The following DLGAP2 variants were observed in gnomAD, a reference collection of about 807,000 sequenced individuals.
DLGAP2 encodes the protein DLG associated protein 2.
Under a neutral mutation model 100.3 loss-of-function variants are expected in DLGAP2, and 26 were observed. That is an observed-to-expected ratio of 0.26 (90% CI 0.19 to 0.36). DLGAP2 has a LOEUF of 0.36. DLGAP2 is among the 10% of genes least tolerant of loss of function. The probability of loss-of-function intolerance (pLI) is 1.00; values close to 1 mark genes in which losing one functional copy is unlikely to be tolerated. For missense variants in DLGAP2, 1,858 were observed against 1,453.2 expected (o/e 1.28, Z -4.53); for synonymous variants, 886 against 630.1 (o/e 1.41, Z -6.08).
chr8:750,162 C>A (rs1323419804), intron 1 of DLGAP2, among the ~76,000 whole-genome samples: 1 of 152,224 alleles, frequency 6.6e-6, no homozygotes, highest in African/African-American at 2.4e-5. Flanking sequence ...GTTAGGCCGG[C>A]TGCATGGGCG....
intron 3 of DLGAP2, chr8:1,378,131 G>A (rs967214888): frequency 3.1e-5 from 5 of 160,354 alleles, no homozygotes; most frequent in South Asian, 1.5e-4. Flanking sequence ...TCCCTTGCAC[G>A]TATGCCGTAT....
chr8:1,180,593 G>C (rs1170400420), intron 2 of DLGAP2, among the ~76,000 whole-genome samples: 5 of 114,292 alleles, frequency 4.4e-5, no homozygotes, highest in Non-Finnish European at 1.0e-4. Context: ...GCACACTGTC[G>C]AGTGTGTGTG....
intron 3 of DLGAP2, among the ~76,000 whole-genome samples, chr8:1,340,102 G>A (rs4876170): frequency 0.44 from 66,650 of 152,062 alleles, 17,729 homozygotes; most frequent in African/African-American, 0.75. Context: ...AAGATGCATT[G>A]AAGACTTTAA....
intron 3 of DLGAP2, among the ~76,000 whole-genome samples, chr8:1,288,483 AGTGTGT>A (rs1165190944): frequency 0.016 from 1,659 of 102,872 alleles, 37 homozygotes; most frequent in African/African-American, 0.056. Flanking sequence ...GTTTCAGTTC[AGTGTGT>A]GTGTGTGTGT....
intron 7 of DLGAP2, 79 bp downstream of exon 7, chr8:1,626,966 G>T: frequency 6.7e-7 from 1 of 1,499,854 alleles, no homozygotes; most frequent in Non-Finnish European, 8.9e-7. Context: ...CCGCATAGGT[G>T]GCGATGGCGC....
At chr8:961,591 C>T (rs1799727089) in intron 2 of DLGAP2, among the ~76,000 whole-genome samples, 1 of 152,158 alleles carries the variant, frequency 6.6e-6, no homozygotes, top group East Asian at 1.9e-4. Flanking sequence ...CCTGTCATTT[C>T]ATTGAATGAT....
At chr8:1,360,904 C>T (rs1324941631) in intron 3 of DLGAP2, among the ~76,000 whole-genome samples, 1 of 152,214 alleles carries the variant, frequency 6.6e-6, no homozygotes, top group Non-Finnish European at 1.5e-5. Flanking sequence ...GACACGTGAA[C>T]ACGGTTTCTC....
At chr8:1,038,910 G>A (rs527478290) in intron 2 of DLGAP2, among the ~76,000 whole-genome samples, 3 of 152,216 alleles carry the variant, frequency 2.0e-5, no homozygotes, top group East Asian at 1.9e-4. Flanking sequence ...TCAGTTTCTC[G>A]GGTAACCCAT....
At chr8:954,870 T>A (rs1799561043) in intron 2 of DLGAP2, among the ~76,000 whole-genome samples, 1 of 152,172 alleles carries the variant, frequency 6.6e-6, no homozygotes, top group Non-Finnish European at 1.5e-5. Context: ...CTTAGATGTA[T>A]AGGTGTTAGT....
At chr8:1,041,741 G>A (rs1445456836) in intron 2 of DLGAP2, among the ~76,000 whole-genome samples, 1 of 141,016 alleles carries the variant, frequency 7.1e-6, no homozygotes, top group African/African-American at 2.7e-5. Context: ...CTTGCCGTGG[G>A]TGAGTGTTCT....
intron 3 of DLGAP2, among the ~76,000 whole-genome samples, chr8:1,462,863 C>T (rs770453118): frequency 1.8e-4 from 27 of 152,220 alleles, no homozygotes; most frequent in African/African-American, 2.4e-4. Flanking sequence ...TTATCTGAAA[C>T]GATTAGTTCA....
intron 1 of DLGAP2, among the ~76,000 whole-genome samples, chr8:742,935 T>C (rs1820522222): frequency 6.6e-6 from 1 of 152,206 alleles, no homozygotes; most frequent in South Asian, 2.1e-4. Flanking sequence ...GTGATAAGAA[T>C]GGTGCACGTA....
chr8:1,683,700 T>C (rs1184200149), intron 12 of DLGAP2, among the ~76,000 whole-genome samples: 2 of 148,850 alleles, frequency 1.3e-5, no homozygotes, highest in African/African-American at 4.9e-5. Context: ...CTCACACCTT[T>C]ATAAAAGCAG....
chr8:1,561,679 G>T (rs1802166233), intron 5 of DLGAP2, among the ~76,000 whole-genome samples: 1 of 151,772 alleles, frequency 6.6e-6, no homozygotes, highest in African/African-American at 2.4e-5. Context: ...TGTGGTGTTG[G>T]GTGTCCGCGC....
At chr8:770,620 G>A (rs757979780) in intron 1 of DLGAP2, among the ~76,000 whole-genome samples, 1 of 152,080 alleles carries the variant, frequency 6.6e-6, no homozygotes, top group Non-Finnish European at 1.5e-5. Flanking sequence ...ATGCACCTCT[G>A]TCCTGTTTGG....
rs767370775 is a variant in DLGAP2 at position 1,555,223 on chromosome 8, G to A, written c.1230+5540G>A. On this transcript the variant is annotated intron_variant, in intron 5 of 14. Coordinates refer to ENST00000637795, the MANE Select transcript of DLGAP2 (RefSeq NM_001346810.2). ...ACGCACAACCCTGCACAATCCTTCCGCAGCCCCTCGAGTTTCTGGTCTGGA... is the reference window on the plus strand; with the variant it reads ...ACGCACAACCCTGCACAATCCTTCCACAGCCCCTCGAGTTTCTGGTCTGGA... Among the ~76,000 whole-genome samples, 72 of 152,162 alleles carry A rather than the reference G, an allele frequency of 4.7e-4. 1 individual carries two copies. The Middle Eastern group carries it at 0.01, about 22-fold the overall frequency.
At position 796,599 on chromosome 8, in the gene DLGAP2, G is replaced by A. The variant is rs200480661; in HGVS notation, c.18+58774G>A. 4.6e-5 allele frequency among the ~76,000 whole-genome samples: 7 copies of A among 152,216 alleles called. No homozygotes were observed. In the East Asian group the frequency reaches 5.8e-4, roughly 13 times the overall value. On this transcript the variant is annotated intron_variant, in intron 1 of 14. Coordinates refer to ENST00000637795, the MANE Select transcript of DLGAP2 (RefSeq NM_001346810.2). ...GGTCTGAGTGGATTCCTCCTCTGCA[G>A]CCTCAGAGCCTAGCAGTGCGTCCCT... is the stretch of plus-strand genomic sequence containing the variant.
intron 1 of DLGAP2, among the ~76,000 whole-genome samples, chr8:771,943 T>A (rs1374461410): frequency 2.0e-5 from 3 of 152,164 alleles, no homozygotes; most frequent in Non-Finnish European, 4.4e-5. Context: ...TCTCTCTGTC[T>A]CCAGGCTGGA....
intron 8 of DLGAP2, among the ~76,000 whole-genome samples, chr8:1,665,998 C>G (rs1368248479): frequency 6.6e-6 from 1 of 152,202 alleles, no homozygotes; most frequent in African/African-American, 2.4e-5. Flanking sequence ...AAGGCGTCAT[C>G]AGAAGCAAGT....
Sources: gnomAD v4.1 joint callset for allele counts (sites outside exome capture counted in the v4.1 genomes callset) on GRCh38, gnomAD v4.1.1 for gene constraint, MANE v1.5 for transcripts, NCBI Gene and HGNC (gene_info 2026-07-23, HGNC 2026-07-21) for gene names.